The following CUBN variants were observed in gnomAD, a reference collection of about 807,000 sequenced individuals.
The protein encoded by CUBN is cubilin.
In CUBN, 282 loss-of-function variants were observed where a neutral mutation model predicts 405.3. The ratio of observed to expected loss-of-function variants is 0.70; its 90% CI spans 0.63 to 0.77. CUBN has a LOEUF of 0.77. CUBN is among the 30% of genes least tolerant of loss of function. The pLI, the probability that CUBN is intolerant of heterozygous loss-of-function variation, is 0.00. For missense variants in CUBN, 4,514 were observed against 4,475.2 expected (o/e 1.01, Z -0.25); for synonymous variants, 1,684 against 1,617.0 (o/e 1.04, Z -0.99).
intron 27 of CUBN, among the ~76,000 whole-genome samples, chr10:17,035,265 G>A (rs1353384742): frequency 6.6e-6 from 1 of 152,096 alleles, no homozygotes; most frequent in African/African-American, 2.4e-5. Flanking sequence ...GGAACTTTCT[G>A]ACCATTTTAT....
chr10:16,933,138 C>T lies in CUBN; in HGVS notation c.6073G>A (p.Asp2025Asn). Residue 2025 changes from aspartate (D) to asparagine (N), a missense_variant, in exon 40 of 67, where the codon GAC becomes AAC. Physicochemically the swap from Asp to Asn is conservative, Grantham distance 23. Around this residue, in one of 5 missense-constraint regions of CUBN, gnomAD observed 1,613 missense variants for 1,542.8 expected, o/e 1.05. Transcript: ENST00000377833. ...GCACACGTTCGGTGAGATTCAATGT[C>T]CAGGGAAAGAATGTTGAGTTCCACG... is the stretch of plus-strand genomic sequence containing the variant. ...STVELNILSL[D>N]IESHRTCAYD... is the part of the protein sequence containing the mutation. The T allele has an allele frequency of 6.2e-7, 1 of 1,614,026 alleles. No homozygotes were observed. The highest frequency in any genetic ancestry group is 1.1e-5 in the South Asian group (1 of 91,078).
Position 16,828,872 on chromosome 10 carries a change from T to C in CUBN, c.10697A>G (p.Gln3566Arg). ...ISIDDPGDCV[Q>R]NYLTLYDGPN... is the part of the protein sequence containing the mutation. ...CCCATCATAGAGTGTGAGATAGTTCTGGACACAGTCTCCTGGATCGTCAAT... is the reference window on the plus strand; with the variant it reads ...CCCATCATAGAGTGTGAGATAGTTCCGGACACAGTCTCCTGGATCGTCAAT... The change falls in exon 66 of 67, where the codon CAG (glutamine) becomes CGG (arginine). Residue 3566 changes from glutamine (Q) to arginine (R), a missense_variant. Physicochemically the swap from Gln to Arg is conservative, Grantham distance 43. Around this residue, in one of 5 missense-constraint regions of CUBN, gnomAD observed 1,186 missense variants for 1,186.9 expected, o/e 1.00. Coordinates refer to ENST00000377833, the MANE Select transcript of CUBN (RefSeq NM_001081.4). The C allele has an allele frequency of 6.2e-7, 1 of 1,614,216 alleles. No individual in the cohort carries two copies.
Position 17,068,766 on chromosome 10 carries a change from C to T in CUBN, c.2630G>A (p.Gly877Asp). ...AHCETDYVEI[G>D]SSSILGSPEN... ...AGGAGAACCCAAAATGGAACTGCTA[C>T]CAATCTAAAATTAGAGAAGATATGT... The change falls in exon 20 of 67, where the codon GGT becomes GAT. Residue 877 changes from glycine to aspartate, a missense_variant. This residue lies in a region of CUBN where 1,448 missense variants were observed against 1,388.0 expected (regional missense o/e 1.04). Coordinates refer to ENST00000377833, the MANE Select transcript of CUBN (RefSeq NM_001081.4). 1 of 1,609,104 alleles carries T rather than the reference C, an allele frequency of 6.2e-7. No homozygotes were observed. Among genetic ancestry groups the T allele is most frequent in the Non-Finnish European group, 8.5e-7 (1 of 1,175,834 alleles).
chr10:16,916,010 G>C lies in CUBN; in HGVS notation c.7021C>G (p.Pro2341Ala). Residue 2341 changes from proline (P) to alanine (A), a missense_variant, in exon 46 of 67, where the codon CCA becomes GCA. Around this residue, in one of 5 missense-constraint regions of CUBN, gnomAD observed 1,613 missense variants for 1,542.8 expected, o/e 1.05. Transcript: ENST00000377833. ...YSIAQCGGRV[P>A]GQSGVVESIG... ...CTTTCAACAACACCACTTTGCCCTG[G>C]TACTCTTCCCCCACACTGAGCTGCA... 1.9e-6 allele frequency: 3 copies of C among 1,613,808 alleles called. No homozygotes were observed. The South Asian group carries it at 3.3e-5, about 18-fold the overall frequency.
At chr10:17,023,765 C>G (rs895763586) in intron 27 of CUBN, 1 of 340,212 alleles carries the variant, frequency 2.9e-6, no homozygotes, top group Admixed American at 3.4e-5. Context: ...AGAAAGATTG[C>G]GATTCTCACC....
At position 17,115,523 on chromosome 10, in the gene CUBN, G is replaced by A; in HGVS notation, c.668C>T (p.Ala223Val). ...CTCACAGATGCCATGGACACAGCGTGCCACAGAACCCCCTTCACAGTCGTC... is the reference window on the plus strand; with the variant it reads ...CTCACAGATGCCATGGACACAGCGTACCACAGAACCCCCTTCACAGTCGTC... The part of the protein sequence containing the change: ...KYDDCEGGSV[A>V]RCVHGICEDL... The change falls in exon 7 of 67, where the codon GCA (alanine) becomes GTA (valine). Residue 223 changes from alanine to valine, a missense_variant. Ala to Val is a moderately conservative substitution (Grantham distance 64). This residue lies in a region of CUBN where 1,448 missense variants were observed against 1,388.0 expected (regional missense o/e 1.04). Transcript: ENST00000377833. 6.2e-7 allele frequency: 1 copy of A among 1,614,164 alleles called. No individual in the cohort carries two copies. The highest frequency in any genetic ancestry group is 8.5e-7 in the Non-Finnish European group (1 of 1,180,022).
Position 17,115,572 on chromosome 10 carries a change from C to T in CUBN, c.619G>A (p.Gly207Arg), listed in dbSNP as rs199977353. ...TCATATTTGGATGCACACTGGGGTC[C>T]GTACGTCTCAGGTGGGCAGTGACAA... ...YSCHCPPETY[G>R]PQCASKYDDC... The change falls in exon 7 of 67, where the codon GGA becomes AGA. Residue 207 changes from glycine (G) to arginine (R), a missense_variant. Coordinates refer to ENST00000377833, the MANE Select transcript of CUBN (RefSeq NM_001081.4). 1.9e-6 allele frequency: 3 copies of T among 1,614,198 alleles called. No homozygotes were observed. The highest frequency in any genetic ancestry group is 1.3e-5 in the African/African-American group (1 of 75,040).
intron 28 of CUBN, among the ~76,000 whole-genome samples, chr10:17,011,481 A>C (rs377146787): frequency 1.2e-3 from 189 of 152,044 alleles, no homozygotes; most frequent in African/African-American, 4.2e-3. Flanking sequence ...GAAGCCGCAA[A>C]CCTTCACAGT....
chr10:16,900,395 G>A (rs148595394), intron 53 of CUBN, among the ~76,000 whole-genome samples: 235 of 152,248 alleles, frequency 1.5e-3, no homozygotes, highest in African/African-American at 5.0e-3. Flanking sequence ...ACCAATTATC[G>A]GCTATGTATC....
rs932270284 is a variant in CUBN, at chr10:16,824,516, T to C, written c.*459A>G. 3 of 168,720 alleles carry C rather than the reference T, an allele frequency of 1.8e-5. No individual in the cohort carries two copies. Among genetic ancestry groups the C allele is most frequent in the African/African-American group, 7.2e-5 (3 of 41,620 alleles). The allele number at this position is 168,720 out of a possible 1,614,324, so 10.5% of individuals were successfully genotyped here. On this transcript the variant is annotated 3_prime_UTR_variant, in exon 67 of 67. Transcript: ENST00000377833. Reference sequence around the variant, plus strand: ...GAAAATGTACAAATATTGATTCTGGTTTTTTTTGTTTCTTTTTTTTTTGAG... The same window carrying C: ...GAAAATGTACAAATATTGATTCTGGCTTTTTTTGTTTCTTTTTTTTTTGAG...
intron 27 of CUBN, among the ~76,000 whole-genome samples, chr10:17,032,374 T>C (rs540640399): frequency 4.4e-4 from 67 of 152,288 alleles, no homozygotes; most frequent in African/African-American, 1.6e-3. Flanking sequence ...GTAAAGAGCT[T>C]TGGAGCCAGG....
chr10:17,088,019 T>G (rs1011502471), intron 15 of CUBN, 145 bp downstream of exon 15: 12 of 656,096 alleles, frequency 1.8e-5, no homozygotes, highest in Middle Eastern at 4.1e-4. Context: ...AATAGAGACT[T>G]TGCAAGAGTT....
intron 17 of CUBN, among the ~76,000 whole-genome samples, chr10:17,073,635 G>A (rs1310223675): frequency 6.6e-6 from 1 of 151,980 alleles, no homozygotes; most frequent in Admixed American, 6.6e-5. Context: ...TAGTAGAGAC[G>A]GGGTTTCTTT....
intron 27 of CUBN, among the ~76,000 whole-genome samples, chr10:17,026,694 G>A (rs934498846): frequency 2.0e-5 from 3 of 152,000 alleles, no homozygotes; most frequent in Non-Finnish European, 4.4e-5. Context: ...TTCCATTGTG[G>A]ATAAGCAAAG....
At chr10:16,980,359 A>C (rs928078745) in intron 31 of CUBN, among the ~76,000 whole-genome samples, 2 of 152,258 alleles carry the variant, frequency 1.3e-5, no homozygotes, top group African/African-American at 2.4e-5. Context: ...CCAAAGGATT[A>C]TAAATCATTC....
intron 46 of CUBN, 64 bp from the exon 47 acceptor site, chr10:16,915,236 AG>A: frequency 6.3e-7 from 1 of 1,599,390 alleles, no homozygotes; most frequent in East Asian, 2.2e-5. Flanking sequence ...CCTCTATTCA[AG>A]GTGTCCTGTG....
At chr10:17,031,730 C>T (rs1834793501) in intron 27 of CUBN, among the ~76,000 whole-genome samples, 2 of 152,338 alleles carry the variant, frequency 1.3e-5, no homozygotes, top group South Asian at 2.1e-4. Context: ...ATAGAAAGCA[C>T]AGTGCCTGGA....
At position 17,088,245 on chromosome 10, in the gene CUBN, AG is replaced by A. The variant is rs386833771; in HGVS notation, c.1865del (p.Thr622IlefsTer7). ...PGRDCVWIVV[T>X]SPDLLVTFTF... ...TAAATGTTACCAGGAGGTCAGGACT[AG>A]TTACAACAATCCAGACACAATCTCT... On this transcript the variant is annotated frameshift_variant, in exon 15 of 67. Coordinates refer to ENST00000377833, the MANE Select transcript of CUBN (RefSeq NM_001081.4). LOFTEE classifies it high-confidence loss of function. 1.9e-6 allele frequency: 3 copies of A among 1,612,860 alleles called. No individual in the cohort carries two copies. Among genetic ancestry groups the A allele is most frequent in the African/African-American group, 1.3e-5 (1 of 74,892 alleles).
Position 16,937,762 on chromosome 10 carries a change from T to A in CUBN, c.5756A>T (p.His1919Leu). 6.2e-7 allele frequency: 1 copy of A among 1,614,004 alleles called. No individual in the cohort carries two copies. The highest frequency in any genetic ancestry group is 8.5e-7 in the Non-Finnish European group (1 of 1,179,956). The change falls in exon 39 of 67, where the codon CAC (histidine) becomes CTC (leucine). Residue 1919 changes from histidine (H) to leucine (L), a missense_variant. Transcript: ENST00000377833. Reference protein sequence around the residue: ...KLRIYDGPSIHARLIGAYCGT... With the variant: ...KLRIYDGPSILARLIGAYCGT... Reference sequence around the variant, plus strand: ...ACAGTAAGCTCCAATTAGGCGGGCGTGAATGCTAGGCCCATCATAGATCTG... The same window carrying A: ...ACAGTAAGCTCCAATTAGGCGGGCGAGAATGCTAGGCCCATCATAGATCTG...
Sources: allele counts gnomAD v4.1 joint callset (sites outside exome capture counted in the v4.1 genomes callset), GRCh38; gene constraint gnomAD v4.1.1; regional missense constraint gnomAD v4.1.1; transcripts MANE v1.5; gene names NCBI Gene and HGNC (gene_info 2026-07-23, HGNC 2026-07-21).